MALRD1: variants seen among roughly 807,000 people sequenced by gnomAD.
MALRD1 encodes MAM and LDL receptor class A domain containing 1, also known as MAM and LDL-receptor class A domain-containing protein 1.
Under a neutral mutation model 242.1 loss-of-function variants are expected in MALRD1, and 247 were observed. The ratio of observed to expected loss-of-function variants is 1.02; its 90% CI spans 0.92 to 1.13. The LOEUF (loss-of-function observed/expected upper bound fraction) is 1.13. Among genes scored for constraint, MALRD1 ranks in the 50% most tolerant of loss-of-function variants. MALRD1 has a pLI of 0.00. For missense variants in MALRD1, 2,989 were observed against 2,533.1 expected (o/e 1.18, Z -3.86); for synonymous variants, 995 against 866.6 (o/e 1.15, Z -2.60).
At position 19,677,783 on chromosome 10, in the gene MALRD1, G is replaced by C. The variant is rs141804990; in HGVS notation, c.6138-14499G>C. ...ATAGTATTGCCTAAATTTTCTTCTA[G>C]GGTTTTTATAGTTTTGGGTTTTACA... On this transcript the variant is annotated intron_variant, in intron 36 of 39. Coordinates refer to ENST00000454679, the MANE Select transcript of MALRD1 (RefSeq NM_001142308.3). Among the ~76,000 whole-genome samples, 885 of 152,248 alleles carry C rather than the reference G, an allele frequency of 5.8e-3. 7 individuals are homozygous for C. Among genetic ancestry groups the C allele is most frequent in the African/African-American group, 0.019 (803 of 41,550 alleles).
intron 21 of MALRD1, chr10:19,291,577 G>A (rs1311709752): frequency 2.0e-5 from 3 of 151,906 alleles, no homozygotes; most frequent in Non-Finnish European, 2.9e-5. Flanking sequence ...ATGGAGTTGG[G>A]AATTTGTATT....
intron 28 of MALRD1, among the ~76,000 whole-genome samples, chr10:19,403,948 A>G (rs936919984): frequency 2.0e-5 from 3 of 152,138 alleles, no homozygotes; most frequent in Admixed American, 6.5e-5. Context: ...ACATAAGAAA[A>G]CATGTATTGT....
Position 19,263,367 on chromosome 10 carries a change from T to C in MALRD1, c.3079+5596T>C, listed in dbSNP as rs552052249. Among the ~76,000 whole-genome samples the C allele has an allele frequency of 3.3e-5, 5 of 152,338 alleles. No individual in the cohort carries two copies. The East Asian group carries it at 9.6e-4, about 29-fold the overall frequency. On this transcript the variant is annotated intron_variant, in intron 19 of 39. Transcript: ENST00000454679. The stretch of plus-strand genomic sequence containing the variant: ...TGAGAGTTAATATCTCATTGTAGTT[T>C]TGATTTGCATTTTCCTGATCATTAC...
chr10:19,556,924 G>T (rs1395085195), intron 32 of MALRD1, among the ~76,000 whole-genome samples: 1 of 152,126 alleles, frequency 6.6e-6, no homozygotes, highest in African/African-American at 2.4e-5. Flanking sequence ...GTGAATGAGA[G>T]TTCCTGTGGC....
At chr10:19,203,945 A>C in intron 15 of MALRD1, 65 bp downstream of exon 15, 1 of 1,527,566 alleles carries the variant, frequency 6.5e-7, no homozygotes. Flanking sequence ...TCAGAAGAGA[A>C]AGGAAAGCTA....
At chr10:19,593,387 T>C (rs1175562591) in intron 33 of MALRD1, among the ~76,000 whole-genome samples, 3 of 152,206 alleles carry the variant, frequency 2.0e-5, no homozygotes, top group African/African-American at 7.2e-5. Flanking sequence ...ATCTTCACTA[T>C]TGGTTTAGTG....
At chr10:19,630,715 C>T (rs1250980169) in intron 36 of MALRD1, among the ~76,000 whole-genome samples, 2 of 151,842 alleles carry the variant, frequency 1.3e-5, no homozygotes, top group Non-Finnish European at 2.9e-5. Flanking sequence ...CAAGAGAACA[C>T]AAATTATGTA....
Position 19,607,880 on chromosome 10 carries a change from G to C in MALRD1, c.6048G>C (p.Gln2016His), listed in dbSNP as rs374271753. 3 of 1,549,670 alleles carry C rather than the reference G, an allele frequency of 1.9e-6. No homozygotes were observed. In the South Asian group the frequency reaches 3.6e-5, roughly 18 times the overall value. ...CDGFADCMDF[Q>H]LDESSCSECP... ...GTTTTGCCGACTGCATGGATTTCCAGCTTGATGAGTCCAGCTGCTCCGGTA... is the reference window on the plus strand; with the variant it reads ...GTTTTGCCGACTGCATGGATTTCCACCTTGATGAGTCCAGCTGCTCCGGTA... The change falls in exon 35 of 40, where the codon CAG (glutamine) becomes CAC (histidine). Residue 2016 changes from glutamine to histidine, a missense_variant. Transcript: ENST00000454679.
intron 36 of MALRD1, among the ~76,000 whole-genome samples, chr10:19,627,918 G>C (rs1221210679): frequency 6.6e-6 from 1 of 150,762 alleles, no homozygotes; most frequent in Non-Finnish European, 1.5e-5. Flanking sequence ...ATTATTTACA[G>C]AAAAAGGAAA....
intron 4 of MALRD1, among the ~76,000 whole-genome samples, chr10:19,096,909 C>G (rs758513914): frequency 1.3e-5 from 2 of 152,184 alleles, no homozygotes; most frequent in African/African-American, 2.4e-5. Flanking sequence ...TTTATCACCT[C>G]CATCTGTGAA....
At chr10:19,104,898 A>G (rs1588550603) in intron 5 of MALRD1, among the ~76,000 whole-genome samples, 1 of 152,060 alleles carries the variant, frequency 6.6e-6, no homozygotes, top group African/African-American at 2.4e-5. Context: ...TTTATTTTTA[A>G]TTGACACATA....
intron 22 of MALRD1, among the ~76,000 whole-genome samples, chr10:19,324,736 G>A (rs1843046539): frequency 6.6e-6 from 1 of 151,062 alleles, no homozygotes; most frequent in Non-Finnish European, 1.5e-5. Context: ...ATCTTCCCTA[G>A]GTTTTTATAA....
At position 19,343,610 on chromosome 10, in the gene MALRD1, T is replaced by C. The variant is rs559953128; in HGVS notation, c.3902-4161T>C. Among the ~76,000 whole-genome samples the C allele has an allele frequency of 1.6e-4, 25 of 152,260 alleles. No homozygotes were observed. In the South Asian group the frequency reaches 5.2e-3, roughly 32 times the overall value. ...CTCTACAGGATGTGACCTTTGAGAA[T>C]AGGTCTTAAAGATCTTCTTTCTCTC... On this transcript the variant is annotated intron_variant, in intron 24 of 39. Coordinates refer to ENST00000454679, the MANE Select transcript of MALRD1 (RefSeq NM_001142308.3).
rs118024967 is a variant in MALRD1 at position 19,569,154 on chromosome 10, A to G, written c.5680+1451A>G. Among the ~76,000 whole-genome samples the G allele has an allele frequency of 5.3e-4, 80 of 152,186 alleles. 2 individuals carry two copies. In the East Asian group the frequency reaches 0.012, roughly 23 times the overall value. On this transcript the variant is annotated intron_variant, in intron 33 of 39. Transcript: ENST00000454679. ...CATAATGGCTTTAATCATCTTTGCA[A>G]TTGAGGTCATATAACCATCTGAATT... is the stretch of plus-strand genomic sequence containing the variant.
chr10:19,417,624 A>G (rs1333873391), intron 28 of MALRD1, among the ~76,000 whole-genome samples: 1 of 152,178 alleles, frequency 6.6e-6, no homozygotes, highest in African/African-American at 2.4e-5. Context: ...ACATAAGCAG[A>G]GATCTCTAAA....
intron 21 of MALRD1, among the ~76,000 whole-genome samples, chr10:19,285,131 C>T (rs1220615721): frequency 2.1e-5 from 3 of 139,604 alleles, no homozygotes; most frequent in African/African-American, 5.6e-5. Context: ...TGTTTGAGTT[C>T]ATTGTAGATT....
chr10:19,291,050 T>G (rs1466268223), intron 21 of MALRD1, among the ~76,000 whole-genome samples: 1 of 152,214 alleles, frequency 6.6e-6, no homozygotes, highest in African/African-American at 2.4e-5. Context: ...TCCAATTCAT[T>G]TTTATTGCTG....
intron 7 of MALRD1, among the ~76,000 whole-genome samples, chr10:19,125,295 TTCC>T (rs1564407745): frequency 6.3e-4 from 22 of 34,950 alleles, no homozygotes; most frequent in East Asian, 1.9e-3. Context: ...CTTTCTTTCC[TTCC>T]TTCCTTCCTT....
intron 32 of MALRD1, among the ~76,000 whole-genome samples, chr10:19,547,024 A>G (rs1200250534): frequency 1.3e-5 from 2 of 152,126 alleles, no homozygotes; most frequent in African/African-American, 4.8e-5. Flanking sequence ...ATTTGAGGGA[A>G]GGTGTTTTGA....
Sources: allele counts gnomAD v4.1 joint callset (sites outside exome capture counted in the v4.1 genomes callset), GRCh38; gene constraint gnomAD v4.1.1; transcripts MANE v1.5; gene names NCBI Gene and HGNC (gene_info 2026-07-23, HGNC 2026-07-21).